Variants in PPP1R36 observed in about 807,000 individuals in gnomAD.
PPP1R36 encodes the protein chromosome 14 open reading frame 50.
PPP1R36 carries 47 observed loss-of-function variants against 53.4 expected under a neutral mutation model. That is an observed-to-expected ratio of 0.88 (90% CI 0.70 to 1.12). The LOEUF (loss-of-function observed/expected upper bound fraction) is 1.12. Ranked by LOEUF, PPP1R36 falls within the 50% of genes most tolerant of loss-of-function variation. The pLI, the probability that PPP1R36 is intolerant of heterozygous loss-of-function variation, is 0.00. For synonymous variants in PPP1R36, 153 were observed against 170.5 expected (o/e 0.90, Z 0.80); for missense variants, 456 against 513.9 (o/e 0.89, Z 1.09).
intron 5 of PPP1R36, 44 bp downstream of exon 5, chr14:64,565,498 C>T (rs1439350417): frequency 6.9e-7 from 1 of 1,451,358 alleles, no homozygotes; most frequent in African/African-American, 1.4e-5. Context: ...TACATCTGTA[C>T]ATACATACAC....
At chr14:64,584,420 G>A (rs931395501) in intron 8 of PPP1R36, among the ~76,000 whole-genome samples, 1 of 152,138 alleles carries the variant, frequency 6.6e-6, no homozygotes, top group Non-Finnish European at 1.5e-5. Flanking sequence ...AGGTGTTCAT[G>A]GTCTCTGGTT....
intron 7 of PPP1R36, among the ~76,000 whole-genome samples, chr14:64,569,677 G>C (rs555986050): frequency 6.6e-6 from 1 of 151,360 alleles, no homozygotes; most frequent in African/African-American, 2.4e-5. Flanking sequence ...TTTTTTTATC[G>C]TATTTCCTCT....
rs887018442 is a variant in PPP1R36 at position 64,571,773 on chromosome 14, G to A, written c.534-2682G>A. On this transcript the variant is annotated intron_variant, in intron 7 of 11. Coordinates refer to ENST00000298705, the MANE Select transcript of PPP1R36 (RefSeq NM_172365.3). ...AGGAAAGAGGCTTAATGGACTCACA[G>A]TTCCACATGGCTGCGGAGGCCTCAC... Among the ~76,000 whole-genome samples, 3 of 152,202 alleles carry A rather than the reference G, an allele frequency of 2.0e-5. No individual in the cohort carries two copies. The South Asian group carries it at 6.2e-4, about 32-fold the overall frequency.
At chr14:64,580,797 G>T (rs1001835423) in intron 8 of PPP1R36, among the ~76,000 whole-genome samples, 5 of 152,272 alleles carry the variant, frequency 3.3e-5, no homozygotes, top group Admixed American at 2.0e-4. Flanking sequence ...TGAGGACAAT[G>T]TTTTTGCCGG....
chr14:64,584,500 A>ACACCCCT (rs1473979945), intron 8 of PPP1R36, among the ~76,000 whole-genome samples: 1 of 152,194 alleles, frequency 6.6e-6, no homozygotes, highest in Non-Finnish European at 1.5e-5. Flanking sequence ...TCACATCAGC[A>ACACCCCT]CACCCCTCAG....
intron 8 of PPP1R36, among the ~76,000 whole-genome samples, chr14:64,576,269 TG>T (rs1234094996): frequency 6.6e-6 from 1 of 151,472 alleles, no homozygotes; most frequent in East Asian, 2.0e-4. Context: ...TTAGTAGAGA[TG>T]GGGTTTCACC....
chr14:64,569,590 G>A (rs1301663928), intron 7 of PPP1R36, among the ~76,000 whole-genome samples: 1 of 152,162 alleles, frequency 6.6e-6, no homozygotes, highest in Non-Finnish European at 1.5e-5. Context: ...GCCAGCTGTG[G>A]ACTTAGAAGG....
chr14:64,564,395 G>T (rs946592260), intron 3 of PPP1R36, among the ~76,000 whole-genome samples: 1 of 152,178 alleles, frequency 6.6e-6, no homozygotes, highest in Non-Finnish European at 1.5e-5. Flanking sequence ...GTTTCCATGA[G>T]GGTTAAATGA....
intron 8 of PPP1R36, among the ~76,000 whole-genome samples, chr14:64,584,450 C>T (rs758492412): frequency 1.2e-4 from 18 of 152,116 alleles, no homozygotes; most frequent in Non-Finnish European, 1.9e-4. Context: ...AGAAGATTTA[C>T]AGTTAGTTAT....
chr14:64,565,241 T>C, intron 4 of PPP1R36, 116 bp from the exon 5 acceptor site: 1 of 656,200 alleles, frequency 1.5e-6, no homozygotes, highest in Non-Finnish European at 2.6e-6. Flanking sequence ...ACAAAACCCA[T>C]GTATGACACT....
At chr14:64,558,882 C>A (rs779811375) in intron 3 of PPP1R36, among the ~76,000 whole-genome samples, 23 of 151,898 alleles carry the variant, frequency 1.5e-4, no homozygotes, top group Non-Finnish European at 2.9e-4. Context: ...GTGATCTGCC[C>A]GCCTCGGCCT....
chr14:64,589,066 A>G, intron 11 of PPP1R36, 86 bp from the exon 12 acceptor site: 1 of 980,428 alleles, frequency 1.0e-6, no homozygotes, highest in South Asian at 1.5e-5. Context: ...ACACACATAC[A>G]TACACACAAC....
At chr14:64,558,060 G>A (rs141600285) in intron 3 of PPP1R36, among the ~76,000 whole-genome samples, 127 of 152,218 alleles carry the variant, frequency 8.3e-4, no homozygotes, top group African/African-American at 2.8e-3. Flanking sequence ...GGCCTCAGGG[G>A]CAAAAGAAGG....
At chr14:64,586,961 T>G (rs1032856807) in intron 9 of PPP1R36, 82 bp downstream of exon 9, 95 of 1,134,930 alleles carry the variant, frequency 8.4e-5, no homozygotes, top group Non-Finnish European at 7.9e-6. Flanking sequence ...GCACTTATTT[T>G]TAGTGAATAT....
intron 3 of PPP1R36, among the ~76,000 whole-genome samples, chr14:64,556,311 C>T (rs1198831873): frequency 6.6e-6 from 1 of 151,918 alleles, no homozygotes; most frequent in African/African-American, 2.4e-5. Flanking sequence ...CCATGTTGCC[C>T]AGGCTGGTCT....
chr14:64,565,786 A>G, intron 6 of PPP1R36, 94 bp downstream of exon 6: 1 of 968,596 alleles, frequency 1.0e-6, no homozygotes, highest in Non-Finnish European at 1.6e-6. Flanking sequence ...TTTTAGAGGA[A>G]GAGCGTGAGG....
Position 64,564,822 on chromosome 14 carries a change from G to A in PPP1R36, c.254G>A (p.Gly85Asp), listed in dbSNP as rs371017921. 2.5e-6 allele frequency: 4 copies of A among 1,605,508 alleles called. No homozygotes were observed. The highest frequency in any genetic ancestry group is 2.5e-6 in the Non-Finnish European group (3 of 1,176,524). Reference protein sequence around the residue: ...GKAVHFAETDGPASDRLTDKR... With the variant: ...GKAVHFAETDDPASDRLTDKR... The stretch of plus-strand genomic sequence containing the variant: ...GCAGTTCACTTTGCAGAAACTGATG[G>A]TCCAGCTTCAGACAGGTAGATTAAC... The change falls in exon 4 of 12, where the codon GGT becomes GAT. Residue 85 changes from glycine (G) to aspartate (D), a missense_variant. By Grantham distance (94) the Gly-to-Asp change is moderately conservative (BLOSUM62 -1). Coordinates refer to ENST00000298705, the MANE Select transcript of PPP1R36 (RefSeq NM_172365.3).
At position 64,585,679 on chromosome 14, in the gene PPP1R36, G is replaced by A. The variant is rs189054848; in HGVS notation, c.669-1158G>A. 1.3e-3 allele frequency among the ~76,000 whole-genome samples: 197 copies of A among 152,276 alleles called. 1 individual carries two copies. Among genetic ancestry groups the A allele is most frequent in the African/African-American group, 4.5e-3 (185 of 41,552 alleles). On this transcript the variant is annotated intron_variant, in intron 8 of 11. Transcript: ENST00000298705. ...GTGGGAGGATTGCTTGAGCCCAGAA[G>A]GTCAAGGCTATAGTGAGCTATGATC...
intron 7 of PPP1R36, among the ~76,000 whole-genome samples, chr14:64,571,039 C>T (rs1347003850): frequency 6.6e-6 from 1 of 152,222 alleles, no homozygotes; most frequent in Non-Finnish European, 1.5e-5. Context: ...TCCCACCAAT[C>T]AACTGCACTG....
Sources: gnomAD v4.1 joint callset for allele counts (sites outside exome capture counted in the v4.1 genomes callset) on GRCh38, gnomAD v4.1.1 for gene constraint, MANE v1.5 for transcripts, NCBI Gene and HGNC (gene_info 2026-07-23, HGNC 2026-07-21) for gene names.